KIAA1217: variants seen among roughly 807,000 people sequenced by gnomAD.
KIAA1217 encodes the protein KIAA1217, also known as sickle tail protein homolog.
In KIAA1217, 88 loss-of-function variants were observed where a neutral mutation model predicts 163.9. The ratio of observed to expected loss-of-function variants is 0.54; its 90% CI spans 0.45 to 0.64. The LOEUF is 0.64. KIAA1217 is among the 30% of genes least tolerant of loss of function. KIAA1217 has a pLI of 0.00. For synonymous variants in KIAA1217, 903 were observed against 923.1 expected (o/e 0.98, Z 0.39); for missense variants, 2,372 against 2,475.0 (o/e 0.96, Z 0.88).
intron 1 of KIAA1217, among the ~76,000 whole-genome samples, chr10:23,916,194 T>A (rs1292914744): frequency 6.6e-6 from 1 of 152,206 alleles, no homozygotes; most frequent in African/African-American, 2.4e-5. Flanking sequence ...TGATGTCCAA[T>A]GAGGGTGAGC....
chr10:24,275,943 C>T (rs2077239088), intron 2 of KIAA1217, among the ~76,000 whole-genome samples: 2 of 152,144 alleles, frequency 1.3e-5, no homozygotes, highest in Admixed American at 6.6e-5. Flanking sequence ...CCCCTCCCTC[C>T]AGTGGGCTTG....
chr10:23,699,840 A>G (rs1420920662), intron 1 of KIAA1217, among the ~76,000 whole-genome samples: 3 of 152,194 alleles, frequency 2.0e-5, no homozygotes, highest in Non-Finnish European at 4.4e-5. Context: ...ATAGCTTAAT[A>G]TAATTGCTTT....
At chr10:24,082,218 T>G (rs2061560028) in intron 2 of KIAA1217, among the ~76,000 whole-genome samples, 1 of 152,072 alleles carries the variant, frequency 6.6e-6, no homozygotes, top group Non-Finnish European at 1.5e-5. Flanking sequence ...GTTCTCATTG[T>G]TTTTGGACAT....
intron 3 of KIAA1217, among the ~76,000 whole-genome samples, chr10:24,402,516 CA>C (rs372012492): frequency 2.6e-4 from 24 of 92,986 alleles, no homozygotes; most frequent in African/African-American, 8.7e-4. Flanking sequence ...CTCAAAAAAA[CA>C]AAAAACAAAA....
chr10:24,206,614 A>G (rs1290222236), upstream of KIAA1217, among the ~76,000 whole-genome samples: 2 of 152,246 alleles, frequency 1.3e-5, no homozygotes, highest in African/African-American at 4.8e-5. Context: ...GCCAGTAAGT[A>G]ATCCAATAGA....
In KIAA1217 at chr10:24,225,361, C is replaced by A. The variant is rs139047291; in HGVS notation, c.354+5452C>A. On this transcript the variant is annotated intron_variant, in intron 2 of 20. Transcript: ENST00000376454. Reference sequence around the variant, plus strand: ...TTGGTCTTCAAAGCCTGGCCTCAAGCGATCCTCTCGCTTTGACCTCCTAAA... The same window carrying A: ...TTGGTCTTCAAAGCCTGGCCTCAAGAGATCCTCTCGCTTTGACCTCCTAAA... 5.0e-3 allele frequency among the ~76,000 whole-genome samples: 767 copies of A among 152,190 alleles called. 8 individuals are homozygous for A. The highest frequency in any genetic ancestry group is 0.018 in the African/African-American group (744 of 41,526).
intron 2 of KIAA1217, chr10:24,239,351 GTTT>G: frequency 1.0e-6 from 1 of 971,424 alleles, no homozygotes; most frequent in Non-Finnish European, 1.2e-6. Flanking sequence ...AATATGCGGG[GTTT>G]TTTTCTTCCA....
At chr10:23,995,111 A>AT (rs1846409759) in intron 1 of KIAA1217, among the ~76,000 whole-genome samples, 1 of 152,198 alleles carries the variant, frequency 6.6e-6, no homozygotes. Context: ...TCACACTCAG[A>AT]TTCATTTTTG....
intron 13 of KIAA1217, among the ~76,000 whole-genome samples, chr10:24,525,272 C>T (rs1246147830): frequency 6.6e-6 from 1 of 152,166 alleles, no homozygotes; most frequent in Non-Finnish European, 1.5e-5. Context: ...GAGGTGAAGG[C>T]AGCCTGGGGA....
intron 2 of KIAA1217, among the ~76,000 whole-genome samples, chr10:24,125,322 C>CTGTGTGTGTGTG (rs58143239): frequency 0.018 from 2,620 of 143,750 alleles, 42 homozygotes; most frequent in Non-Finnish European, 0.024. Flanking sequence ...ATCCTATGCT[C>CTGTGTGTGTGTG]TGTGTGTGTG....
intron 2 of KIAA1217, among the ~76,000 whole-genome samples, chr10:24,275,024 A>G (rs11014001): frequency 0.39 from 59,828 of 152,006 alleles, 12,503 homozygotes; most frequent in Non-Finnish European, 0.47. Context: ...TGGAGCCTCA[A>G]ACTCCTGGGC....
At chr10:24,367,166 A>C in intron 2 of KIAA1217, 1 of 985,644 alleles carries the variant, frequency 1.0e-6, no homozygotes, top group Middle Eastern at 5.2e-4. Flanking sequence ...TTGACATTCA[A>C]AGGTACTTGA....
intron 5 of KIAA1217, among the ~76,000 whole-genome samples, chr10:24,469,908 A>C (rs116868398): frequency 0.086 from 13,099 of 152,234 alleles, 787 homozygotes; most frequent in East Asian, 0.18. Flanking sequence ...CACTGTGCCC[A>C]GGCAGTTCTA....
chr10:24,358,953 A>G (rs983714287), intron 2 of KIAA1217, among the ~76,000 whole-genome samples: 2 of 152,118 alleles, frequency 1.3e-5, no homozygotes, highest in Admixed American at 6.5e-5. Flanking sequence ...AGGAGTTCAG[A>G]CATATCCATT....
chr10:24,449,806 CT>C, intron 5 of KIAA1217: 1 of 924,874 alleles, frequency 1.1e-6, no homozygotes, highest in Non-Finnish European at 1.3e-6. Flanking sequence ...TCTTTAGAAT[CT>C]TTTTTCATGC....
intron 1 of KIAA1217, among the ~76,000 whole-genome samples, chr10:23,851,624 C>T (rs1455073536): frequency 6.6e-6 from 1 of 152,128 alleles, no homozygotes; most frequent in Non-Finnish European, 1.5e-5. Flanking sequence ...TTTACAGTCC[C>T]ACCAACAGTG....
chr10:23,730,801 C>T (rs1020047812), intron 1 of KIAA1217, among the ~76,000 whole-genome samples: 4 of 151,960 alleles, frequency 2.6e-5, no homozygotes, highest in African/African-American at 4.8e-5. Context: ...TTGTTTATTG[C>T]TGGTATATAG....
intron 1 of KIAA1217, among the ~76,000 whole-genome samples, chr10:23,730,114 G>A (rs1335733951): frequency 1.3e-5 from 2 of 152,022 alleles, no homozygotes; most frequent in African/African-American, 4.8e-5. Flanking sequence ...TGTTAGCCAG[G>A]TTGGTCTCAA....
At chr10:24,474,666 C>G (rs542992556) in intron 6 of KIAA1217, among the ~76,000 whole-genome samples, 1 of 152,182 alleles carries the variant, frequency 6.6e-6, no homozygotes, top group East Asian at 1.9e-4. Context: ...GGGAAAGACT[C>G]TCTGGGGACT....
Sources: allele counts gnomAD v4.1 joint callset (sites outside exome capture counted in the v4.1 genomes callset), GRCh38; gene constraint gnomAD v4.1.1; transcripts MANE v1.5; gene names NCBI Gene and HGNC (gene_info 2026-07-23, HGNC 2026-07-21).